Variants in RASAL2 observed in about 807,000 individuals in gnomAD.
RASAL2 encodes the protein ras GTPase-activating protein nGAP.
Under a neutral mutation model 128.9 loss-of-function variants are expected in RASAL2, and 58 were observed. The observed-to-expected ratio is 0.45, with a 90% CI of 0.36 to 0.56. The LOEUF is 0.56. RASAL2 is among the 20% of genes least tolerant of loss of function. The pLI is 0.00. For missense variants in RASAL2, 1,360 were observed against 1,601.6 expected, an observed-to-expected ratio of 0.85 and a Z score of 2.57; for synonymous variants, 561 against 580.8, an observed-to-expected ratio of 0.97 and a Z score of 0.49.
chr1:178,179,880 G>A (rs375003963), intron 1 of RASAL2, among the ~76,000 whole-genome samples: 17 of 152,080 alleles, frequency 1.1e-4, no homozygotes, highest in East Asian at 3.8e-4. Context: ...AATCTTGTTC[G>A]TACGAAATAG....
chr1:178,404,569 C>G (rs1237322467), intron 4 of RASAL2, among the ~76,000 whole-genome samples: 1 of 151,960 alleles, frequency 6.6e-6, no homozygotes, highest in African/African-American at 2.4e-5. Flanking sequence ...TTAGTAGAGA[C>G]AGGGTTTCAC....
intron 3 of RASAL2, among the ~76,000 whole-genome samples, chr1:178,331,451 A>G (rs749393701): frequency 2.0e-5 from 3 of 152,190 alleles, no homozygotes; most frequent in Non-Finnish European, 2.9e-5. Flanking sequence ...TATTTAGTGG[A>G]GGAAAAATGT....
intron 1 of RASAL2, among the ~76,000 whole-genome samples, chr1:178,244,506 G>A (rs1322125457): frequency 6.6e-6 from 1 of 152,198 alleles, no homozygotes; most frequent in Non-Finnish European, 1.5e-5. Context: ...CTCCCAAAGT[G>A]CTGGGATTAC....
intron 2 of RASAL2, among the ~76,000 whole-genome samples, chr1:178,292,727 G>A (rs775723227): frequency 6.6e-6 from 1 of 152,164 alleles, no homozygotes; most frequent in Non-Finnish European, 1.5e-5. Context: ...GAGGGAAATG[G>A]TAGAGAAGAC....
intron 1 of RASAL2, among the ~76,000 whole-genome samples, chr1:178,238,070 G>A (rs1471760454): frequency 1.3e-5 from 2 of 152,122 alleles, no homozygotes; most frequent in African/African-American, 4.8e-5. Context: ...CTATTAGCAG[G>A]CAATTCCTGT....
intron 1 of RASAL2, among the ~76,000 whole-genome samples, chr1:178,214,094 G>GCAAGA (rs1188092924): frequency 1.1e-4 from 17 of 151,984 alleles, no homozygotes; most frequent in African/African-American, 3.9e-4. Context: ...CTCTACAAAA[G>GCAAGA]CAAGACAAGA....
chr1:178,445,410 C>T, intron 8 of RASAL2, 108 bp from the exon 9 acceptor site: 2 of 1,261,388 alleles, frequency 1.6e-6, no homozygotes, highest in Non-Finnish European at 2.2e-6. Flanking sequence ...AATCTGATAG[C>T]TTTAGTTTTA....
chr1:178,208,434 G>A (rs944821189), intron 1 of RASAL2, among the ~76,000 whole-genome samples: 2 of 152,012 alleles, frequency 1.3e-5, no homozygotes, highest in South Asian at 2.1e-4. Flanking sequence ...ACTGAGATAC[G>A]CCCTGGTCTT....
In RASAL2 at chr1:178,296,974, A is replaced by ATT. The variant is rs71108042; in HGVS notation, c.331-3008_331-3007dup. 9.6e-4 allele frequency among the ~76,000 whole-genome samples: 142 copies of ATT among 147,904 alleles called. 1 individual carries two copies. Among genetic ancestry groups the ATT allele is most frequent in the African/African-American group, 3.3e-3 (132 of 40,572 alleles). Reference sequence around the variant, plus strand: ...AGACATGAGCCACCACACCCAGCCAATTTTTTTTTTTAGTTGAGGCAAAAG... The same window carrying ATT: ...AGACATGAGCCACCACACCCAGCCAATTTTTTTTTTTTTAGTTGAGGCAAAAG... On this transcript the variant is annotated intron_variant, in intron 2 of 17. Transcript: ENST00000367649.
intron 3 of RASAL2, among the ~76,000 whole-genome samples, chr1:178,339,775 C>T (rs1669774245): frequency 6.6e-6 from 1 of 152,232 alleles, no homozygotes; most frequent in Non-Finnish European, 1.5e-5. Context: ...CCTGGCCCAG[C>T]ACCAAACTTA....
At chr1:178,464,567 G>GGTGT (rs58822651) in intron 15 of RASAL2, among the ~76,000 whole-genome samples, 155 bp downstream of exon 15, 5,196 of 145,084 alleles carry the variant, frequency 0.036, 112 homozygotes, top group Non-Finnish European at 0.048. Context: ...ATAGGTCAGT[G>GGTGT]GTGTGTGTGT....
At chr1:178,288,667 T>C (rs930364052) in intron 2 of RASAL2, among the ~76,000 whole-genome samples, 1 of 124,424 alleles carries the variant, frequency 8.0e-6, no homozygotes, top group Admixed American at 8.3e-5. Context: ...TTTTTTTTTT[T>C]TGAGACAGAC....
At chr1:178,152,533 C>T (rs1558083328) in intron 1 of RASAL2, among the ~76,000 whole-genome samples, 3 of 152,108 alleles carry the variant, frequency 2.0e-5, no homozygotes, top group South Asian at 2.1e-4. Flanking sequence ...AGCGTGGTGG[C>T]GGGCACCTGT....
intron 1 of RASAL2, among the ~76,000 whole-genome samples, chr1:178,264,067 A>G (rs900806402): frequency 6.6e-6 from 1 of 152,202 alleles, no homozygotes; most frequent in Non-Finnish European, 1.5e-5. Context: ...TGAACCTAAT[A>G]TTTCAAGTGC....
chr1:178,409,696 C>A (rs1047240165), intron 4 of RASAL2, among the ~76,000 whole-genome samples: 9 of 152,168 alleles, frequency 5.9e-5, no homozygotes, highest in African/African-American at 2.2e-4. Flanking sequence ...AATTATCCAT[C>A]CCTTGACCAG....
intron 1 of RASAL2, among the ~76,000 whole-genome samples, chr1:178,213,271 T>C (rs1433929388): frequency 6.6e-6 from 1 of 152,126 alleles, no homozygotes; most frequent in Non-Finnish European, 1.5e-5. Context: ...CTCAAACTCC[T>C]GGGTGCAAGC....
Position 178,183,400 on chromosome 1 carries a change from A to G in RASAL2, c.202+88706A>G, listed in dbSNP as rs75306169. The stretch of plus-strand genomic sequence containing the variant: ...GTTCTATGGGTTGTAACAAATATAT[A>G]GTGTCATATATCCATCATTACTGTA... On this transcript the variant is annotated intron_variant, in intron 1 of 17. Coordinates refer to ENST00000367649, the MANE Select transcript of RASAL2 (RefSeq NM_170692.4). Among the ~76,000 whole-genome samples the G allele has an allele frequency of 5.1e-3, 772 of 152,310 alleles. 15 individuals are homozygous for G. Among genetic ancestry groups the G allele is most frequent in the African/African-American group, 0.018 (739 of 41,568 alleles).
intron 1 of RASAL2, among the ~76,000 whole-genome samples, chr1:178,279,510 T>A (rs7546764): frequency 1.8e-4 from 28 of 152,144 alleles, no homozygotes; most frequent in Non-Finnish European, 1.9e-4. Context: ...AGTATTGCCA[T>A]ATTTTCTTAG....
At chr1:178,099,689 G>C (rs1442826657) in intron 1 of RASAL2, among the ~76,000 whole-genome samples, 3 of 152,236 alleles carry the variant, frequency 2.0e-5, no homozygotes, top group African/African-American at 7.2e-5. Context: ...GGCCGGGCGT[G>C]GTGGCTCACG....
Sources: gnomAD v4.1 joint callset for allele counts (sites outside exome capture counted in the v4.1 genomes callset) on GRCh38, gnomAD v4.1.1 for gene constraint, MANE v1.5 for transcripts, NCBI Gene and HGNC (gene_info 2026-07-23, HGNC 2026-07-21) for gene names.